Variants in PPM1B observed in about 807,000 individuals in gnomAD.
The protein encoded by PPM1B is protein phosphatase, Mg2+/Mn2+ dependent 1B.
A neutral mutation model predicts 43.0 loss-of-function variants in PPM1B; 22 were observed. The ratio of observed to expected loss-of-function variants is 0.51; its 90% CI spans 0.37 to 0.73. PPM1B has a LOEUF of 0.73. Among genes scored for constraint, PPM1B ranks in the 30% least tolerant of loss-of-function variants. The probability of loss-of-function intolerance (pLI) is 0.00; values close to 1 mark genes in which losing one functional copy is unlikely to be tolerated. For synonymous variants in PPM1B, 217 were observed against 197.9 expected, an observed-to-expected ratio of 1.10 and a Z score of -0.81; for missense variants, 632 against 584.2, an observed-to-expected ratio of 1.08 and a Z score of -0.84.
intron 3 of PPM1B, 32 bp downstream of exon 3, chr2:44,209,359 G>T (rs775559236): frequency 5.8e-5 from 93 of 1,610,618 alleles, no homozygotes; most frequent in Non-Finnish European, 7.0e-5. Flanking sequence ...AATATAGACA[G>T]GCCAGGCACG....
At chr2:44,191,485 A>AT (rs1668402290) in intron 1 of PPM1B, among the ~76,000 whole-genome samples, 5 of 152,208 alleles carry the variant, frequency 3.3e-5, no homozygotes, top group Admixed American at 3.3e-4. Context: ...AAGTGCTGGG[A>AT]TTACAGGCGT....
At chr2:44,233,362 A>C, downstream of PPM1B, 1 of 984,198 alleles carries the variant, frequency 1.0e-6, no homozygotes, top group Non-Finnish European at 1.2e-6. Flanking sequence ...TGGGCACGGT[A>C]CAGAGTGATT....
At chr2:44,234,583 T>A, downstream of PPM1B, 1 of 985,092 alleles carries the variant, frequency 1.0e-6, no homozygotes, top group South Asian at 4.7e-5. Context: ...TACTGGTGCT[T>A]GAAACAGAAA....
At chr2:44,239,987 C>T (rs1471818915) in intron 5 of PPM1B, among the ~76,000 whole-genome samples, 1 of 111,560 alleles carries the variant, frequency 9.0e-6, no homozygotes, top group African/African-American at 2.8e-5. Flanking sequence ...TATACATTGT[C>T]TTCACCATAT....
chr2:44,234,824 A>G (rs916653405), downstream of PPM1B, among the ~76,000 whole-genome samples: 2 of 152,262 alleles, frequency 1.3e-5, no homozygotes, highest in Non-Finnish European at 1.5e-5. Flanking sequence ...ATTACATGTT[A>G]ATATATAAAC....
chr2:44,244,351 G>A (rs781438946), exon 6 of PPM1B: 1 of 1,357,902 alleles, frequency 7.4e-7, no homozygotes, highest in African/African-American at 1.5e-5. Context: ...TTGTAAACCC[G>A]AACGAAAAAT....
downstream of PPM1B, among the ~76,000 whole-genome samples, chr2:44,238,295 AATT>A (rs1419865713): frequency 2.0e-5 from 3 of 152,208 alleles, no homozygotes; most frequent in Admixed American, 1.3e-4. Flanking sequence ...TATGAATAAT[AATT>A]ATATAGTATA....
chr2:44,174,564 TATC>T (rs1291534364), intron 1 of PPM1B, among the ~76,000 whole-genome samples: 1 of 152,254 alleles, frequency 6.6e-6, no homozygotes, highest in Non-Finnish European at 1.5e-5. Context: ...GCAGTTATGT[TATC>T]AGGTAGATTC....
intron 1 of PPM1B, among the ~76,000 whole-genome samples, chr2:44,196,024 G>A (rs1668645047): frequency 6.6e-6 from 1 of 152,122 alleles, no homozygotes; most frequent in Admixed American, 6.5e-5. Context: ...GCCAGTATTT[G>A]TATGCAGTAA....
In PPM1B at chr2:44,223,908, A is replaced by G. The variant is rs182248385; in HGVS notation, c.1134+5371A>G. 4.6e-3 allele frequency among the ~76,000 whole-genome samples: 694 copies of G among 151,170 alleles called. 3 individuals carry two copies. The highest frequency in any genetic ancestry group is 0.016 in the African/African-American group (653 of 41,204). ...GTTTTTAAGGTATGATTGACATAAC[A>G]CTTACCTTTGCTATGTGGTCTTGAC... On this transcript the variant is annotated intron_variant, in intron 5 of 5. Transcript: ENST00000282412.
At chr2:44,224,942 A>C (rs1670145930) in intron 5 of PPM1B, among the ~76,000 whole-genome samples, 1 of 152,184 alleles carries the variant, frequency 6.6e-6, no homozygotes, top group South Asian at 2.1e-4. Flanking sequence ...TGTATGAGGT[A>C]CTTCCTATGC....
At chr2:44,184,967 G>T (rs1363647972) in intron 1 of PPM1B, among the ~76,000 whole-genome samples, 1 of 146,444 alleles carries the variant, frequency 6.8e-6, no homozygotes, top group Non-Finnish European at 1.5e-5. Context: ...TTATTAGACC[G>T]GCCACTAGAT....
intron 5 of PPM1B, among the ~76,000 whole-genome samples, chr2:44,220,569 TGACA>T (rs1669933114): frequency 6.6e-6 from 1 of 152,220 alleles, no homozygotes; most frequent in South Asian, 2.1e-4. Context: ...GATCAAACAC[TGACA>T]GTGTGTTGTA....
intron 1 of PPM1B, among the ~76,000 whole-genome samples, chr2:44,195,898 C>T (rs565529511): frequency 6.6e-6 from 1 of 152,286 alleles, no homozygotes; most frequent in East Asian, 1.9e-4. Flanking sequence ...AATCCTCAAA[C>T]TGGAGAGGCC....
chr2:44,235,925 TAAA>T (rs199501207), downstream of PPM1B, among the ~76,000 whole-genome samples: 1 of 151,628 alleles, frequency 6.6e-6, no homozygotes, highest in Non-Finnish European at 1.5e-5. Flanking sequence ...TCTTTTATAT[TAAA>T]AAAAACTCAA....
chr2:44,240,942 C>CA (rs1202094482), intron 5 of PPM1B, among the ~76,000 whole-genome samples: 1 of 145,662 alleles, frequency 6.9e-6, no homozygotes, highest in Non-Finnish European at 1.5e-5. Flanking sequence ...AATTTGTCTC[C>CA]AAAATTAATT....
intron 1 of PPM1B, among the ~76,000 whole-genome samples, chr2:44,186,768 T>C (rs1490565675): frequency 1.3e-5 from 2 of 152,268 alleles, no homozygotes; most frequent in Non-Finnish European, 2.9e-5. Flanking sequence ...AAAGGAATTT[T>C]CTGTGGTCTA....
chr2:44,221,550 A>G (rs961907068), intron 5 of PPM1B, among the ~76,000 whole-genome samples: 1 of 152,194 alleles, frequency 6.6e-6, no homozygotes, highest in African/African-American at 2.4e-5. Context: ...GAATTACAGA[A>G]GAGGAGAAAG....
intron 1 of PPM1B, among the ~76,000 whole-genome samples, chr2:44,183,393 A>T (rs935260302): frequency 6.6e-6 from 1 of 152,244 alleles, no homozygotes; most frequent in South Asian, 2.1e-4. Context: ...TTGGAAACAA[A>T]TATCTGCACA....
Sources: allele counts gnomAD v4.1 joint callset (sites outside exome capture counted in the v4.1 genomes callset), GRCh38; gene constraint gnomAD v4.1.1; transcripts MANE v1.5; gene names NCBI Gene and HGNC (gene_info 2026-07-23, HGNC 2026-07-21).